Variants in DAGLA observed in about 807,000 individuals in gnomAD.
DAGLA encodes the protein diacylglycerol lipase alpha.
A neutral mutation model predicts 102.6 loss-of-function variants in DAGLA; 22 were observed. The observed-to-expected ratio is 0.21, with a 90% CI of 0.15 to 0.31. The LOEUF (loss-of-function observed/expected upper bound fraction) is 0.31. Among genes scored for constraint, DAGLA ranks in the 10% least tolerant of loss-of-function variants. The probability of loss-of-function intolerance (pLI) is 1.00; values close to 1 mark genes in which losing one functional copy is unlikely to be tolerated. For missense variants in DAGLA, 927 were observed against 1,446.6 expected, an observed-to-expected ratio of 0.64 and a Z score of 5.83; for synonymous variants, 578 against 628.9, an observed-to-expected ratio of 0.92 and a Z score of 1.21.
rs2065507204 is a variant in DAGLA, at chr11:61,743,817, C to A, written c.2457C>A (p.His819Gln). ...CTGTGCTGGAGCGTGATGAAGGCCA[C>A]CTCTTCTACATTGACCCTGCCATCC... ...LHAVLERDEG[H>Q]LFYIDPAIPE... is the part of the protein sequence containing the mutation. The change falls in exon 20 of 20, where the codon CAC (histidine) becomes CAA (glutamine). Residue 819 changes from histidine (H) to glutamine (Q), a missense_variant. Physicochemically the swap from His to Gln is conservative, Grantham distance 24 (BLOSUM62 0). Around this residue, in one of 4 missense-constraint regions of DAGLA, gnomAD observed 434 missense variants for 503.3 expected, o/e 0.86. Transcript: ENST00000257215. 1 of 1,612,450 alleles carries A rather than the reference C, an allele frequency of 6.2e-7. No homozygotes were observed. Among genetic ancestry groups the A allele is most frequent in the African/African-American group, 1.3e-5 (1 of 74,932 alleles).
chr11:61,699,914 T>C (rs1167989866), intron 1 of DAGLA, among the ~76,000 whole-genome samples: 2 of 150,864 alleles, frequency 1.3e-5, no homozygotes, highest in Non-Finnish European at 3.0e-5. Flanking sequence ...ATTTCTCCCC[T>C]GGAAGGAGGG....
At chr11:61,689,432 A>G (rs979300724) in intron 1 of DAGLA, among the ~76,000 whole-genome samples, 3 of 152,198 alleles carry the variant, frequency 2.0e-5, no homozygotes, top group Admixed American at 6.5e-5. Context: ...GGGCTTTAGC[A>G]TAAAGACAGA....
chr11:61,680,737 C>T (rs1194749801), intron 1 of DAGLA, among the ~76,000 whole-genome samples: 2 of 151,984 alleles, frequency 1.3e-5, no homozygotes, highest in Admixed American at 6.5e-5. Context: ...CCGGCACAGG[C>T]GGCGTGGTTT....
chr11:61,711,057 G>A (rs996517906), intron 1 of DAGLA, among the ~76,000 whole-genome samples: 3 of 152,316 alleles, frequency 2.0e-5, no homozygotes, highest in African/African-American at 7.2e-5. Flanking sequence ...CCTCCAAGTC[G>A]ATGCCTTTGA....
At chr11:61,703,240 G>C (rs971694876) in intron 1 of DAGLA, among the ~76,000 whole-genome samples, 1 of 152,234 alleles carries the variant, frequency 6.6e-6, no homozygotes. Context: ...CCCCTCCCCT[G>C]AGAAGCCACA....
At position 61,746,849 on chromosome 11, in the gene DAGLA, C is replaced by G. The variant is rs1410284643; in HGVS notation, c.*2360C>G. 6.6e-6 allele frequency: 1 copy of G among 152,598 alleles called. No homozygotes were observed. Among genetic ancestry groups the G allele is most frequent in the Non-Finnish European group, 1.5e-5 (1 of 68,042 alleles). 9.5% of individuals were successfully genotyped at this position (152,598 alleles called of 1,614,324 possible). On this transcript the variant is annotated 3_prime_UTR_variant, in exon 20 of 20. Coordinates refer to ENST00000257215, the MANE Select transcript of DAGLA (RefSeq NM_006133.3). ...TGCACTCTCTTACGTGCCATTCTCCCCAGACTTTTTTTGTACTTAATGTAT... is the reference window on the plus strand; with the variant it reads ...TGCACTCTCTTACGTGCCATTCTCCGCAGACTTTTTTTGTACTTAATGTAT...
chr11:61,698,171 C>T (rs1367575547), intron 1 of DAGLA, among the ~76,000 whole-genome samples: 2 of 152,234 alleles, frequency 1.3e-5, no homozygotes, highest in African/African-American at 2.4e-5. Context: ...TCCTGGCCCC[C>T]AGTCTGCTCA....
At chr11:61,704,340 G>A (rs1298320207) in intron 1 of DAGLA, among the ~76,000 whole-genome samples, 4 of 151,952 alleles carry the variant, frequency 2.6e-5, no homozygotes, top group Non-Finnish European at 5.9e-5. Flanking sequence ...GGCTGGTCTC[G>A]AACTCCTGAC....
intron 1 of DAGLA, among the ~76,000 whole-genome samples, chr11:61,682,258 C>A (rs1366063287): frequency 6.6e-6 from 1 of 152,136 alleles, no homozygotes; most frequent in Admixed American, 6.5e-5. Flanking sequence ...AAACACTTTG[C>A]AAACAGCGAA....
chr11:61,722,477 C>A (rs2065292439), intron 3 of DAGLA, among the ~76,000 whole-genome samples: 1 of 152,084 alleles, frequency 6.6e-6, no homozygotes, highest in African/African-American at 2.4e-5. Context: ...TCCCATCTAC[C>A]CTAGGGACTG....
At chr11:61,710,978 A>G (rs1288767210) in intron 1 of DAGLA, among the ~76,000 whole-genome samples, 1 of 152,224 alleles carries the variant, frequency 6.6e-6, no homozygotes, top group Non-Finnish European at 1.5e-5. Flanking sequence ...TGGAACTAAG[A>G]TTCAAATTCG....
intron 19 of DAGLA, among the ~76,000 whole-genome samples, chr11:61,741,653 C>T (rs2065481622): frequency 6.6e-6 from 1 of 151,638 alleles, no homozygotes; most frequent in Non-Finnish European, 1.5e-5. Context: ...CTCTTTTCCC[C>T]CAGGCCGGAG....
intron 8 of DAGLA, 143 bp from the exon 9 acceptor site, chr11:61,731,174 G>A: frequency 1.1e-6 from 1 of 893,990 alleles, no homozygotes; most frequent in South Asian, 1.7e-5. Flanking sequence ...TCCAAGGCCT[G>A]GGCCCCACAC....
At chr11:61,721,661 C>CAGCT (rs1228411418) in intron 3 of DAGLA, among the ~76,000 whole-genome samples, 2 of 152,212 alleles carry the variant, frequency 1.3e-5, no homozygotes, top group Non-Finnish European at 2.9e-5. Flanking sequence ...GAGTCTGGGC[C>CAGCT]AGCTCCCCAG....
chr11:61,720,309 G>C (rs569507889), intron 2 of DAGLA, 59 bp downstream of exon 2: 2 of 1,526,530 alleles, frequency 1.3e-6, no homozygotes, highest in Non-Finnish European at 1.8e-6. Flanking sequence ...CTGGAAGGAC[G>C]CTTTCTGGCC....
chr11:61,696,432 G>A (rs1270668813), intron 1 of DAGLA, among the ~76,000 whole-genome samples: 3 of 152,228 alleles, frequency 2.0e-5, no homozygotes, highest in Non-Finnish European at 2.9e-5. Context: ...TTCCCAGCGG[G>A]GAGGAGCAGT....
At chr11:61,726,317 G>C (rs2065326379) in intron 6 of DAGLA, among the ~76,000 whole-genome samples, 1 of 147,916 alleles carries the variant, frequency 6.8e-6, no homozygotes, top group Non-Finnish European at 1.5e-5. Flanking sequence ...TGTGAAGACT[G>C]CATCAACTCC....
chr11:61,736,552 G>A (rs2065424557), intron 13 of DAGLA, among the ~76,000 whole-genome samples: 1 of 152,228 alleles, frequency 6.6e-6, no homozygotes, highest in South Asian at 2.1e-4. Context: ...CCCACCTACA[G>A]TCATTGGGCA....
intron 5 of DAGLA, among the ~76,000 whole-genome samples, chr11:61,724,608 G>A (rs979135676): frequency 5.9e-5 from 9 of 152,164 alleles, no homozygotes; most frequent in Non-Finnish European, 8.8e-5. Context: ...TGCTGTGTTC[G>A]GCTCCCCGTG....
Sources: allele counts gnomAD v4.1 joint callset (sites outside exome capture counted in the v4.1 genomes callset), GRCh38; gene constraint gnomAD v4.1.1; regional missense constraint gnomAD v4.1.1; transcripts MANE v1.5; gene names NCBI Gene and HGNC (gene_info 2026-07-23, HGNC 2026-07-21).